Variants in FGF12 observed in about 807,000 individuals in gnomAD.
FGF12 encodes fibroblast growth factor 12, also known as fibroblast growth factor 12B.
In FGF12, 14 loss-of-function variants were observed where a neutral mutation model predicts 23.6. That is an observed-to-expected ratio of 0.59 (90% CI 0.39 to 0.93). FGF12 has a LOEUF of 0.93. Ranked by LOEUF, FGF12 falls within the 40% of genes least tolerant of loss-of-function variation. The pLI is 0.00. For missense variants in FGF12, 175 were observed against 217.8 expected, an observed-to-expected ratio of 0.80 and a Z score of 1.24; for synonymous variants, 62 against 77.3, an observed-to-expected ratio of 0.80 and a Z score of 1.04.
chr3:192,661,111 C>A (rs752491551), intron 2 of FGF12, among the ~76,000 whole-genome samples: 3 of 152,042 alleles, frequency 2.0e-5, no homozygotes, highest in Non-Finnish European at 4.4e-5. Flanking sequence ...GATAAAAAGA[C>A]AATTTATGGC....
chr3:192,523,224 C>A (rs1194397015), intron 2 of FGF12, among the ~76,000 whole-genome samples: 3 of 152,020 alleles, frequency 2.0e-5, no homozygotes, highest in Non-Finnish European at 4.4e-5. Context: ...ATCAGAAGAC[C>A]TAAGTGAACA....
At chr3:192,553,872 G>A (rs986860573) in intron 2 of FGF12, among the ~76,000 whole-genome samples, 1 of 152,182 alleles carries the variant, frequency 6.6e-6, no homozygotes, top group African/African-American at 2.4e-5. Context: ...GGGCCAGGTT[G>A]GGGACCACTG....
intron 5 of FGF12, among the ~76,000 whole-genome samples, chr3:192,158,425 T>TTC (rs36042379): frequency 0.79 from 106,319 of 134,232 alleles, 41,838 homozygotes; most frequent in South Asian, 0.85. Flanking sequence ...CTCTTTCTTT[T>TTC]TCTTTTTTCT....
chr3:192,681,878 A>C (rs1717541440), intron 2 of FGF12, among the ~76,000 whole-genome samples: 1 of 152,160 alleles, frequency 6.6e-6, no homozygotes, highest in Admixed American at 6.5e-5. Flanking sequence ...TCACCATAGA[A>C]TGACTGCATT....
chr3:192,580,602 G>GTTGTT (rs1277625938), intron 2 of FGF12, among the ~76,000 whole-genome samples: 14 of 152,156 alleles, frequency 9.2e-5, no homozygotes, highest in East Asian at 3.9e-4. Flanking sequence ...TTTTGTTGTT[G>GTTGTT]TTGTTTTGTT....
chr3:192,677,436 G>C (rs1717366485), intron 2 of FGF12, among the ~76,000 whole-genome samples: 1 of 152,202 alleles, frequency 6.6e-6, no homozygotes, highest in African/African-American at 2.4e-5. Context: ...TTCTGGCCCA[G>C]AGCGTTTTAT....
intron 2 of FGF12, among the ~76,000 whole-genome samples, chr3:192,521,950 T>C (rs1724823233): frequency 1.3e-5 from 2 of 152,126 alleles, no homozygotes; most frequent in African/African-American, 4.8e-5. Context: ...ATGGGGACTT[T>C]TACTTTGGGA....
intron 4 of FGF12, among the ~76,000 whole-genome samples, chr3:192,226,743 C>T (rs1230940999): frequency 6.6e-6 from 1 of 152,002 alleles, no homozygotes; most frequent in Non-Finnish European, 1.5e-5. Context: ...TTAACTACAA[C>T]ATATCGTATA....
At position 192,625,390 on chromosome 3, in the gene FGF12, A is replaced by G. The variant is rs150727767; in HGVS notation, c.13+101791T>C. Among the ~76,000 whole-genome samples, 5 of 152,142 alleles carry G rather than the reference A, an allele frequency of 3.3e-5. No individual in the cohort carries two copies. The East Asian group carries it at 9.7e-4, about 29-fold the overall frequency. On this transcript the variant is annotated intron_variant, in intron 2 of 5. Transcript: ENST00000445105. ...TTTAAAAATGGTATATTGATGTTTAATTTTTAGTTTGCTTTTTTCTTATTA... is the reference window on the plus strand; with the variant it reads ...TTTAAAAATGGTATATTGATGTTTAGTTTTTAGTTTGCTTTTTTCTTATTA...
At chr3:192,583,685 C>A (rs1713255917) in intron 2 of FGF12, among the ~76,000 whole-genome samples, 1 of 152,180 alleles carries the variant, frequency 6.6e-6, no homozygotes, top group Non-Finnish European at 1.5e-5. Context: ...GACATCTGAC[C>A]TGTTTCCTTG....
chr3:192,650,340 A>T (rs926498094), intron 2 of FGF12, among the ~76,000 whole-genome samples: 2 of 152,218 alleles, frequency 1.3e-5, no homozygotes, highest in African/African-American at 4.8e-5. Context: ...AACCACTTGA[A>T]TATGCCATAC....
intron 2 of FGF12, among the ~76,000 whole-genome samples, chr3:192,644,024 C>T (rs1462274240): frequency 6.6e-6 from 1 of 152,204 alleles, no homozygotes; most frequent in Non-Finnish European, 1.5e-5. Flanking sequence ...TCCAGCCTTA[C>T]ACATAAAATA....
intron 2 of FGF12, among the ~76,000 whole-genome samples, chr3:192,362,069 T>G (rs1718753287): frequency 1.3e-5 from 2 of 152,222 alleles, no homozygotes; most frequent in African/African-American, 2.4e-5. Context: ...TTCCTTCATA[T>G]GAGTCTCTAT....
At chr3:192,626,277 G>A (rs1182039028) in intron 2 of FGF12, among the ~76,000 whole-genome samples, 3 of 152,176 alleles carry the variant, frequency 2.0e-5, no homozygotes, top group African/African-American at 4.8e-5. Context: ...TAATTTTCCA[G>A]GCAGTCAATT....
At chr3:192,584,485 C>T (rs911349430) in intron 2 of FGF12, among the ~76,000 whole-genome samples, 1 of 152,036 alleles carries the variant, frequency 6.6e-6, no homozygotes, top group Non-Finnish European at 1.5e-5. Context: ...AAGCAGACTG[C>T]GATGGGTTCA....
intron 2 of FGF12, among the ~76,000 whole-genome samples, chr3:192,612,310 T>C (rs188977470): frequency 4.1e-4 from 62 of 152,164 alleles, no homozygotes; most frequent in Admixed American, 2.7e-3. Flanking sequence ...ACTAGGTTTG[T>C]ATATCATTTC....
In FGF12 at chr3:192,230,249, A is replaced by G. The variant is rs192820536; in HGVS notation, c.229-59593T>C. Among the ~76,000 whole-genome samples, 13 of 152,282 alleles carry G rather than the reference A, an allele frequency of 8.5e-5. No individual in the cohort carries two copies. In the East Asian group the frequency reaches 2.3e-3, roughly 27 times the overall value. ...TTAAAAATGTTTTGATATCCCAATT[A>G]TGTGATGTGAAACTTCAGCAAATCC... is the stretch of plus-strand genomic sequence containing the variant. On this transcript the variant is annotated intron_variant, in intron 4 of 5. Transcript: ENST00000445105.
At chr3:192,367,963 A>G (rs544781327) in intron 2 of FGF12, among the ~76,000 whole-genome samples, 50 of 152,344 alleles carry the variant, frequency 3.3e-4, no homozygotes, top group African/African-American at 1.2e-3. Flanking sequence ...ATTCTATTTC[A>G]GTTATCAATA....
intron 2 of FGF12, among the ~76,000 whole-genome samples, chr3:192,442,246 G>A (rs1343514590): frequency 1.3e-5 from 2 of 152,168 alleles, no homozygotes; most frequent in Admixed American, 6.5e-5. Flanking sequence ...CATTCATTGG[G>A]CTGATATATA....
Sources: allele counts gnomAD v4.1 joint callset (sites outside exome capture counted in the v4.1 genomes callset), GRCh38; gene constraint gnomAD v4.1.1; transcripts MANE v1.5; gene names NCBI Gene and HGNC (gene_info 2026-07-23, HGNC 2026-07-21).